The following SLA2 variants were observed in gnomAD, a reference collection of about 807,000 sequenced individuals.
SLA2 encodes the protein Src like adaptor 2.
SLA2 carries 22 observed loss-of-function variants against 27.3 expected under a neutral mutation model. That is an observed-to-expected ratio of 0.81 (90% CI 0.58 to 1.15). The LOEUF (loss-of-function observed/expected upper bound fraction) is 1.15, where lower values mean the gene tolerates loss of function less well. Among genes scored for constraint, SLA2 ranks in the 50% most tolerant of loss-of-function variants. SLA2 has a pLI of 0.00. For synonymous variants in SLA2, 131 were observed against 137.8 expected, an observed-to-expected ratio of 0.95 and a Z score of 0.34; for missense variants, 304 against 322.2, an observed-to-expected ratio of 0.94 and a Z score of 0.43.
intron 6 of SLA2, chr20:36,614,986 G>A (rs775872615): frequency 4.1e-6 from 4 of 985,336 alleles, no homozygotes; most frequent in Non-Finnish European, 4.8e-6. Flanking sequence ...AACCAGAGTG[G>A]TAGGCAAGGT....
chr20:36,614,285 C>T lies in SLA2; in HGVS notation c.665+20G>A. On this transcript the variant is annotated intron_variant, in intron 7 of 7. Coordinates refer to ENST00000262866, the MANE Select transcript of SLA2 (RefSeq NM_032214.4). ...AACTCTTGGTCCTGCTTTCATGTTT[C>T]CAGGAGTCCCCAACTTTACCTGTCC... 6.2e-7 allele frequency: 1 copy of T among 1,614,152 alleles called. No individual in the cohort carries two copies. The highest frequency in any genetic ancestry group is 8.5e-7 in the Non-Finnish European group (1 of 1,180,016).
intron 5 of SLA2, among the ~76,000 whole-genome samples, chr20:36,620,024 C>T (rs1244289879): frequency 6.6e-6 from 1 of 151,538 alleles, no homozygotes; most frequent in Non-Finnish European, 1.5e-5. Flanking sequence ...TCACATGAAC[C>T]CAGGAGGCAG....
intron 2 of SLA2, among the ~76,000 whole-genome samples, chr20:36,640,595 C>T (rs2147997297): frequency 6.6e-6 from 1 of 151,418 alleles, no homozygotes; most frequent in East Asian, 1.9e-4. Flanking sequence ...CGGCTCACTG[C>T]AACCTCTGCC....
rs2039176073 is a variant in SLA2, at chr20:36,614,101, G to A, written c.666-115C>T. The stretch of plus-strand genomic sequence containing the variant: ...TCACTCCTGCTGAGGACCTCATGGG[G>A]CTCCCCTGTTCCCTATCAGATCAGC... On this transcript the variant is annotated intron_variant, in intron 7 of 7. Coordinates refer to ENST00000262866, the MANE Select transcript of SLA2 (RefSeq NM_032214.4). 14 of 1,498,846 alleles carry A rather than the reference G, an allele frequency of 9.3e-6. No homozygotes were observed. In the South Asian group the frequency reaches 1.8e-4, roughly 19 times the overall value. The allele number at this position is 1,498,846 out of a possible 1,614,324, so 92.8% of individuals were successfully genotyped here. A position where few individuals can be genotyped will look rare whatever the true frequency, so the allele number is the denominator to read the frequency against.
intron 6 of SLA2, chr20:36,614,738 A>C: frequency 6.1e-6 from 6 of 985,356 alleles, no homozygotes; most frequent in Non-Finnish European, 7.2e-6. Context: ...GTCTACTTCT[A>C]CTCACTGTCT....
In SLA2 at chr20:36,632,703, C is replaced by T. The variant is rs769705649; in HGVS notation, c.279-5G>A. 16 of 1,612,484 alleles carry T rather than the reference C, an allele frequency of 9.9e-6. No homozygotes were observed. The highest frequency in any genetic ancestry group is 6.7e-5 in the East Asian group (3 of 44,848). ...CTCAGGCCCTCATACAGCCACCTGGCGGAGCGAAAGAGAGGGACAAGGGAC... is the reference window on the plus strand; with the variant it reads ...CTCAGGCCCTCATACAGCCACCTGGTGGAGCGAAAGAGAGGGACAAGGGAC... On this transcript the variant is annotated splice_polypyrimidine_tract_variant and splice_region_variant and intron_variant, in intron 4 of 7. Coordinates refer to ENST00000262866, the MANE Select transcript of SLA2 (RefSeq NM_032214.4).
chr20:36,618,004 G>A lies in SLA2; in HGVS notation c.383-2630C>T, dbSNP rs6101455. ...CTACTAAAAATATAAAAAATTAGCC[G>A]GGCGTGGTGGCGGGCGCCTGTAGTC... On this transcript the variant is annotated intron_variant, in intron 5 of 7. Coordinates refer to ENST00000262866, the MANE Select transcript of SLA2 (RefSeq NM_032214.4). Among the ~76,000 whole-genome samples, 1,322 of 139,214 alleles carry A rather than the reference G, an allele frequency of 9.5e-3. 18 individuals are homozygous for A. The highest frequency in any genetic ancestry group is 0.033 in the African/African-American group (1,235 of 37,662). 91.3% of individuals were successfully genotyped at this position (139,214 alleles called of 152,430 possible). A position where few individuals can be genotyped will look rare whatever the true frequency, so the allele number is the denominator to read the frequency against.
intron 1 of SLA2, 38 bp from the exon 2 acceptor site, chr20:36,641,416 T>C (rs2039505711): frequency 1.6e-6 from 2 of 1,257,556 alleles, no homozygotes; most frequent in Admixed American, 1.8e-5. Flanking sequence ...AGCCGAGGCT[T>C]CTGGCCCAAT....
At position 36,628,331 on chromosome 20, in the gene SLA2, AG is replaced by A. The variant is rs1377248954; in HGVS notation, c.382+4263del. 6.6e-5 allele frequency among the ~76,000 whole-genome samples: 10 copies of A among 152,264 alleles called. No homozygotes were observed. The East Asian group carries it at 1.9e-3, about 29-fold the overall frequency. On this transcript the variant is annotated intron_variant, in intron 5 of 7. Coordinates refer to ENST00000262866, the MANE Select transcript of SLA2 (RefSeq NM_032214.4). ...CACCTTATACAAAATCTGAAACAAA[AG>A]TTTTATGACGCAATGTTTACCCCAA...
chr20:36,637,063 G>T (rs1243523496), intron 2 of SLA2, among the ~76,000 whole-genome samples: 2 of 152,046 alleles, frequency 1.3e-5, no homozygotes, highest in Non-Finnish European at 2.9e-5. Context: ...CTTCTTTGGG[G>T]TAAGTAAATC....
intron 2 of SLA2, among the ~76,000 whole-genome samples, chr20:36,640,746 A>T (rs1015560459): frequency 1.3e-5 from 2 of 152,012 alleles, no homozygotes; most frequent in African/African-American, 4.8e-5. Flanking sequence ...TGAACTCCTG[A>T]CCTCAGGTTA....
At position 36,633,644 on chromosome 20, in the gene SLA2, GAGTGGGGGC is replaced by G. The variant is rs764168002; in HGVS notation, c.192-24_192-16del. On this transcript the variant is annotated splice_polypyrimidine_tract_variant and intron_variant, in intron 3 of 7. Transcript: ENST00000262866. ...AGTCTCCATCCCTGGAGAGAGAAAG[GAGTGGGGGC>G]ACCTCTTTCAGATGAGCCAAGGCCC... The G allele has an allele frequency of 1.2e-6, 2 of 1,606,764 alleles. No individual in the cohort carries two copies. The highest frequency in any genetic ancestry group is 2.2e-5 in the South Asian group (2 of 90,944).
At chr20:36,620,367 C>T (rs1043080787) in intron 5 of SLA2, 1 of 167,958 alleles carries the variant, frequency 6.0e-6, no homozygotes, top group Non-Finnish European at 1.3e-5. Flanking sequence ...GGCAACAGAG[C>T]TTGACTCTGT....
chr20:36,638,904 T>C (rs2039479149), intron 2 of SLA2, among the ~76,000 whole-genome samples: 1 of 152,142 alleles, frequency 6.6e-6, no homozygotes, highest in Admixed American at 6.6e-5. Flanking sequence ...TGGAGTGCAG[T>C]GGTGTGATCT....
At chr20:36,614,658 C>T in intron 6 of SLA2, 1 of 985,434 alleles carries the variant, frequency 1.0e-6, no homozygotes. Context: ...AGGGTGAGTT[C>T]ATGGACCTCT....
intron 5 of SLA2, among the ~76,000 whole-genome samples, chr20:36,619,600 G>GA (rs2039257595): frequency 6.6e-6 from 1 of 151,272 alleles, no homozygotes; most frequent in Non-Finnish European, 1.5e-5. Flanking sequence ...GGTCAACATA[G>GA]AGACCCCCTT....
intron 5 of SLA2, chr20:36,621,408 T>A: frequency 1.8e-6 from 1 of 556,858 alleles, no homozygotes; most frequent in Admixed American, 2.1e-5. Context: ...GTAGATATAG[T>A]AGCAGAAGGT....
At chr20:36,645,653 T>G (rs1978287505) in intron 1 of SLA2, among the ~76,000 whole-genome samples, 184 bp downstream of exon 1, 1 of 151,532 alleles carries the variant, frequency 6.6e-6, no homozygotes, top group Non-Finnish European at 1.5e-5. Flanking sequence ...AGCAGGTGAG[T>G]CTTGGTTCTT....
At chr20:36,622,129 G>T (rs186218569) in intron 5 of SLA2, among the ~76,000 whole-genome samples, 7 of 151,512 alleles carry the variant, frequency 4.6e-5, no homozygotes, top group African/African-American at 1.7e-4. Flanking sequence ...AGACCAGCCT[G>T]GCCAACCCAT....
Sources: gnomAD v4.1 joint callset for allele counts (sites outside exome capture counted in the v4.1 genomes callset) on GRCh38, gnomAD v4.1.1 for gene constraint, MANE v1.5 for transcripts, NCBI Gene and HGNC (gene_info 2026-07-23, HGNC 2026-07-21) for gene names.